The following KLC1 variants were observed in gnomAD, a reference collection of about 807,000 sequenced individuals.
KLC1 encodes kinesin 2 60/70kDa.
Under a neutral mutation model 84.2 loss-of-function variants are expected in KLC1, and 30 were observed. The observed-to-expected ratio is 0.36, with a 90% CI of 0.27 to 0.48. The LOEUF (loss-of-function observed/expected upper bound fraction) is 0.48. Among genes scored for constraint, KLC1 ranks in the 20% least tolerant of loss-of-function variants. The probability of loss-of-function intolerance (pLI) is 0.99; values close to 1 mark genes in which losing one functional copy is unlikely to be tolerated. For missense variants in KLC1, 499 were observed against 805.4 expected, an observed-to-expected ratio of 0.62 and a Z score of 4.60; for synonymous variants, 289 against 293.3, an observed-to-expected ratio of 0.99 and a Z score of 0.15.
At chr14:103,700,617 C>T (rs1284123501) in intron 15 of KLC1, 38 bp from the exon 16 acceptor site, 2 of 1,568,156 alleles carry the variant, frequency 1.3e-6, no homozygotes, top group African/African-American at 1.4e-5. Flanking sequence ...GGGCCGCCTG[C>T]ACGCCCTGAG....
chr14:103,661,879 C>G (rs1203147626), intron 3 of KLC1, among the ~76,000 whole-genome samples: 2 of 152,128 alleles, frequency 1.3e-5, no homozygotes, highest in Non-Finnish European at 2.9e-5. Flanking sequence ...GCAGCCATGG[C>G]CCATTTCGTC....
rs926614385 is a variant in KLC1 at position 103,696,941 on chromosome 14, G to A, written c.1849-3714G>A. 13 of 985,286 alleles carry A rather than the reference G, an allele frequency of 1.3e-5. No homozygotes were observed. In the African/African-American group the frequency reaches 2.1e-4, roughly 16 times the overall value. The allele number at this position is 985,286 out of a possible 1,614,324, so 61.0% of individuals were successfully genotyped here. On this transcript the variant is annotated intron_variant, in intron 15 of 16. Transcript: ENST00000334553. ...AGACTCCTGTGGTGGGAGTTCCCTG[G>A]GACGGGAAGCCCCTCGGCCCCTTCC...
At chr14:103,670,538 T>C (rs1311599527) in intron 7 of KLC1, among the ~76,000 whole-genome samples, 3 of 152,024 alleles carry the variant, frequency 2.0e-5, no homozygotes, top group African/African-American at 7.2e-5. Context: ...GGTTTCACCA[T>C]GTTGGCCAGG....
Position 103,698,827 on chromosome 14 carries a change from G to A in KLC1, c.1849-1828G>A, listed in dbSNP as rs753750563. ...TGGGACTGGGTCCCAGGTGTCCCTC[G>A]CACCCCTTCGGCACTGATCGTGTAG... On this transcript the variant is annotated intron_variant, in intron 15 of 16. Coordinates refer to ENST00000334553, the MANE Select transcript of KLC1 (RefSeq NM_001394837.1). 2.5e-6 allele frequency: 4 copies of A among 1,604,818 alleles called. No individual in the cohort carries two copies. Among genetic ancestry groups the A allele is most frequent in the Non-Finnish European group, 2.5e-6 (3 of 1,176,512 alleles).
At chr14:103,680,130 G>T (rs1044642074) in intron 13 of KLC1, among the ~76,000 whole-genome samples, 2 of 152,214 alleles carry the variant, frequency 1.3e-5, no homozygotes, top group Non-Finnish European at 2.9e-5. Flanking sequence ...AGCCCGCCAT[G>T]TGCCTGAGAG....
chr14:103,662,481 C>T (rs1423401828), intron 4 of KLC1, among the ~76,000 whole-genome samples: 4 of 151,918 alleles, frequency 2.6e-5, no homozygotes, highest in Non-Finnish European at 5.9e-5. Flanking sequence ...TTTCATGGCG[C>T]CAAGAGGAGT....
chr14:103,679,570 G>A (rs1252056202), intron 13 of KLC1, 25 bp downstream of exon 13: 3 of 1,582,650 alleles, frequency 1.9e-6, no homozygotes, highest in South Asian at 1.1e-5. Context: ...CAGCGGGCAC[G>A]TGCTCCGGGA....
At chr14:103,669,158 C>T (rs1056096974) in intron 5 of KLC1, among the ~76,000 whole-genome samples, 2 of 151,654 alleles carry the variant, frequency 1.3e-5, no homozygotes, top group African/African-American at 4.8e-5. Flanking sequence ...GTAGTGAGGC[C>T]GGGCACGATG....
chr14:103,651,265 C>G (rs2078417043), intron 1 of KLC1, among the ~76,000 whole-genome samples: 1 of 152,202 alleles, frequency 6.6e-6, no homozygotes, highest in African/African-American at 2.4e-5. Context: ...GCCTCGGCCT[C>G]CCAGAGTGCT....
At chr14:103,646,131 T>C (rs1159279841) in intron 1 of KLC1, among the ~76,000 whole-genome samples, 1 of 152,214 alleles carries the variant, frequency 6.6e-6, no homozygotes, top group Non-Finnish European at 1.5e-5. Flanking sequence ...ATACTGCACA[T>C]GACTGTATTG....
chr14:103,687,340 C>A (rs973377137), intron 14 of KLC1, 129 bp downstream of exon 14: 1 of 961,950 alleles, frequency 1.0e-6, no homozygotes, highest in South Asian at 2.3e-5. Context: ...ATTCTCACAA[C>A]CGAAGGGTTT....
intron 1 of KLC1, among the ~76,000 whole-genome samples, chr14:103,645,200 C>T (rs2077820550): frequency 1.3e-5 from 2 of 152,018 alleles, no homozygotes; most frequent in East Asian, 3.9e-4. Context: ...CTCGAACTCC[C>T]GACCTCAGGT....
intron 1 of KLC1, among the ~76,000 whole-genome samples, chr14:103,648,519 A>G (rs1477928090): frequency 6.6e-6 from 1 of 152,176 alleles, no homozygotes; most frequent in Non-Finnish European, 1.5e-5. Context: ...ATGGTGGCTC[A>G]TGCCTGTAAT....
intron 1 of KLC1, among the ~76,000 whole-genome samples, chr14:103,653,059 C>T (rs2078582369): frequency 6.6e-6 from 1 of 152,184 alleles, no homozygotes; most frequent in African/African-American, 2.4e-5. Context: ...TCAGTCCATC[C>T]ATTCACTACA....
In KLC1 at chr14:103,694,074, G is replaced by A. The variant is rs975068717; in HGVS notation, c.1848+1649G>A. The A allele has an allele frequency of 2.0e-6, 2 of 987,090 alleles. No individual in the cohort carries two copies. Among genetic ancestry groups the A allele is most frequent in the South Asian group, 4.6e-5 (1 of 21,748 alleles). The allele number at this position is 987,090 out of a possible 1,614,324, so 61.1% of individuals were successfully genotyped here. On this transcript the variant is annotated intron_variant, in intron 15 of 16. Coordinates refer to ENST00000334553, the MANE Select transcript of KLC1 (RefSeq NM_001394837.1). The surrounding 1 kb of genome is among the most constrained non-coding windows in gnomAD (Gnocchi z 4.5). Reference sequence around the variant, plus strand: ...GCATTTAGTGATCTATGGCAGTAAAGCCTGAAGCTTAGCGGACACTGGTCA... The same window carrying A: ...GCATTTAGTGATCTATGGCAGTAAAACCTGAAGCTTAGCGGACACTGGTCA...
At chr14:103,698,460 GAGA>G (rs1280784371) in intron 15 of KLC1, 8 of 373,872 alleles carry the variant, frequency 2.1e-5, no homozygotes, top group Non-Finnish European at 2.5e-5. Flanking sequence ...TCCATGTGGA[GAGA>G]AGAAGCAGGC....
intron 11 of KLC1, among the ~76,000 whole-genome samples, chr14:103,676,900 C>T (rs7148857): frequency 1.2e-4 from 18 of 152,154 alleles, no homozygotes; most frequent in African/African-American, 3.4e-4. Flanking sequence ...GCCGTCCTCT[C>T]GGCCATCTGC....
At chr14:103,657,497 T>G in intron 2 of KLC1, 49 bp from the exon 3 acceptor site, 1 of 1,502,258 alleles carries the variant, frequency 6.7e-7, no homozygotes, top group South Asian at 1.1e-5. Context: ...TGGGAGGGAC[T>G]CTTGCTGGAC....
At chr14:103,631,666 C>T (rs952607282) in intron 1 of KLC1, among the ~76,000 whole-genome samples, 3 of 152,002 alleles carry the variant, frequency 2.0e-5, no homozygotes, top group African/African-American at 7.2e-5. Flanking sequence ...GGTGTGATCC[C>T]CGCTCACTGC....
Sources: allele counts gnomAD v4.1 joint callset (sites outside exome capture counted in the v4.1 genomes callset), GRCh38; gene constraint gnomAD v4.1.1; non-coding constraint Gnocchi (gnomAD v3.1); transcripts MANE v1.5; gene names NCBI Gene and HGNC (gene_info 2026-07-23, HGNC 2026-07-21).